PXDNL: variants seen among roughly 807,000 people sequenced by gnomAD.
PXDNL encodes peroxidasin like, also known as probable oxidoreductase PXDNL.
Under a neutral mutation model 150.8 loss-of-function variants are expected in PXDNL, and 145 were observed. That is an observed-to-expected ratio of 0.96 (90% CI 0.84 to 1.10). The LOEUF (loss-of-function observed/expected upper bound fraction) is 1.10. Among genes scored for constraint, PXDNL ranks in the 50% least tolerant of loss-of-function variants. The pLI is 0.00. For missense variants in PXDNL, 2,087 were observed against 1,873.9 expected (o/e 1.11, Z -2.10); for synonymous variants, 757 against 725.7 (o/e 1.04, Z -0.69).
At chr8:51,800,886 A>C (rs1023894004) in intron 1 of PXDNL, among the ~76,000 whole-genome samples, 1 of 152,222 alleles carries the variant, frequency 6.6e-6, no homozygotes, top group African/African-American at 2.4e-5. Context: ...TGTGTTTGAC[A>C]ATATGAAATC....
chr8:51,695,482 G>A (rs1405242448), intron 1 of PXDNL, among the ~76,000 whole-genome samples: 6 of 149,476 alleles, frequency 4.0e-5, no homozygotes, highest in Non-Finnish European at 5.9e-5. Flanking sequence ...ACACACACAC[G>A]CACACACGCA....
rs1815697526 is a variant in PXDNL at position 51,679,543 on chromosome 8, C to T, written c.165-24783G>A. 5.3e-5 allele frequency among the ~76,000 whole-genome samples: 8 copies of T among 152,274 alleles called. No homozygotes were observed. The South Asian group carries it at 1.7e-3, about 32-fold the overall frequency. On this transcript the variant is annotated intron_variant, in intron 1 of 22. Transcript: ENST00000356297. Reference sequence around the variant, plus strand: ...CATTAAGCGACTGACACATCATGCTCAATAATTTATATCTACTATTAGTAG... The same window carrying T: ...CATTAAGCGACTGACACATCATGCTTAATAATTTATATCTACTATTAGTAG...
At chr8:51,685,567 T>C (rs371594799) in intron 1 of PXDNL, among the ~76,000 whole-genome samples, 16 of 152,226 alleles carry the variant, frequency 1.1e-4, no homozygotes, top group South Asian at 8.3e-4. Flanking sequence ...AGGGCTAATA[T>C]CATTTTCTCC....
chr8:51,702,851 A>G (rs1177853955), intron 1 of PXDNL, among the ~76,000 whole-genome samples: 2 of 152,186 alleles, frequency 1.3e-5, no homozygotes, highest in Admixed American at 1.3e-4. Context: ...AATATATTGA[A>G]ACGCAGAAAC....
chr8:51,733,291 T>C (rs1318955510), intron 1 of PXDNL, among the ~76,000 whole-genome samples: 1 of 152,240 alleles, frequency 6.6e-6, no homozygotes, highest in Non-Finnish European at 1.5e-5. Flanking sequence ...TTCCCTCATT[T>C]CTATGAAGCA....
intron 2 of PXDNL, 107 bp downstream of exon 2, chr8:51,654,582 C>A: frequency 1.2e-6 from 1 of 802,882 alleles, no homozygotes; most frequent in South Asian, 1.5e-5. Flanking sequence ...TACAAGGTGT[C>A]ATTCTTCTAC....
intron 7 of PXDNL, among the ~76,000 whole-genome samples, chr8:51,473,274 A>AACACACACACACACAC (rs1164131411): frequency 0.21 from 28,104 of 133,590 alleles, 3,803 homozygotes; most frequent in Non-Finnish European, 0.3. Context: ...GTAGAAAATA[A>AACACACACACACACAC]ACACACACAC....
chr8:51,507,791 G>A lies in PXDNL; in HGVS notation c.381-8021C>T, dbSNP rs1439565483. On this transcript the variant is annotated intron_variant, in intron 4 of 22. Transcript: ENST00000356297. ...AGTGGTGGTGCTACTAGCCTCCAGTGGGGAGGGACCAGGGTGTTGCTCAAC... is the reference window on the plus strand; with the variant it reads ...AGTGGTGGTGCTACTAGCCTCCAGTAGGGAGGGACCAGGGTGTTGCTCAAC... Among the ~76,000 whole-genome samples, 8 of 152,276 alleles carry A rather than the reference G, an allele frequency of 5.3e-5. No individual in the cohort carries two copies. In the East Asian group the frequency reaches 1.5e-3, roughly 29 times the overall value.
intron 2 of PXDNL, among the ~76,000 whole-genome samples, 199 bp downstream of exon 2, chr8:51,654,489 TA>T (rs1815110635): frequency 6.6e-6 from 1 of 152,172 alleles, no homozygotes; most frequent in South Asian, 2.1e-4. Flanking sequence ...ATTGGATAAA[TA>T]AGAATCTCTT....
chr8:51,522,299 T>C (rs375333497), intron 4 of PXDNL, among the ~76,000 whole-genome samples: 4 of 152,170 alleles, frequency 2.6e-5, no homozygotes, highest in African/African-American at 9.7e-5. Context: ...GTATTTGTAG[T>C]CCCTCTTGTT....
At chr8:51,438,789 T>C (rs924190821) in intron 12 of PXDNL, among the ~76,000 whole-genome samples, 2 of 151,906 alleles carry the variant, frequency 1.3e-5, no homozygotes. Flanking sequence ...GGCCCACTGA[T>C]CTTCAACAAG....
At chr8:51,391,571 C>T (rs1489794977) in intron 17 of PXDNL, among the ~76,000 whole-genome samples, 2 of 152,090 alleles carry the variant, frequency 1.3e-5, no homozygotes, top group East Asian at 1.9e-4. Context: ...TGTCCTTCAC[C>T]CACTTTTTGA....
chr8:51,654,749 A>C lies in PXDNL; in HGVS notation c.176T>G (p.Phe59Cys). 5 of 1,613,142 alleles carry C rather than the reference A, an allele frequency of 3.1e-6. No individual in the cohort carries two copies. Among genetic ancestry groups the C allele is most frequent in the Non-Finnish European group, 4.2e-6 (5 of 1,179,350 alleles). The change falls in exon 2 of 23, where the codon TTT becomes TGT. Residue 59 changes from phenylalanine (F) to cysteine (C), a missense_variant. Transcript: ENST00000356297. The part of the protein sequence containing the change: ...PQQTTVLDLR[F>C]NRIREIPGSA... Reference sequence around the variant, plus strand: ...CCCTGGAATTTCTCTTATTCTGTTAAACCTCAAGTCTCTGGGAACATAAAA... The same window carrying C: ...CCCTGGAATTTCTCTTATTCTGTTACACCTCAAGTCTCTGGGAACATAAAA...
intron 1 of PXDNL, among the ~76,000 whole-genome samples, chr8:51,713,550 G>A (rs997322551): frequency 1.3e-5 from 2 of 152,134 alleles, no homozygotes; most frequent in African/African-American, 2.4e-5. Flanking sequence ...TTTCTCTCAA[G>A]TAATCTGAAG....
chr8:51,606,327 G>A (rs184684630), intron 2 of PXDNL, among the ~76,000 whole-genome samples: 13 of 152,182 alleles, frequency 8.5e-5, no homozygotes, highest in Admixed American at 5.2e-4. Context: ...ATCTCTCATC[G>A]TAGCATATTT....
Position 51,506,496 on chromosome 8 carries a change from G to A in PXDNL, c.381-6726C>T, listed in dbSNP as rs775535184. Among the ~76,000 whole-genome samples, 6 of 122,396 alleles carry A rather than the reference G, an allele frequency of 4.9e-5. No homozygotes were observed. The East Asian group carries it at 7.7e-4, about 16-fold the overall frequency. 80.3% of individuals were successfully genotyped at this position (122,396 alleles called of 152,430 possible). ...TCGGAGGTTGCAGTGAGCCGAGATCGCACCACTGCACTCCAGCCTGGGTGA... is the reference window on the plus strand; with the variant it reads ...TCGGAGGTTGCAGTGAGCCGAGATCACACCACTGCACTCCAGCCTGGGTGA... On this transcript the variant is annotated intron_variant, in intron 4 of 22. Transcript: ENST00000356297.
At chr8:51,703,457 T>C (rs1816298315) in intron 1 of PXDNL, among the ~76,000 whole-genome samples, 1 of 152,220 alleles carries the variant, frequency 6.6e-6, no homozygotes, top group Non-Finnish European at 1.5e-5. Context: ...ACCAGTACAA[T>C]CGTATCTTTG....
At chr8:51,594,193 T>C (rs1813512257) in intron 2 of PXDNL, among the ~76,000 whole-genome samples, 1 of 152,236 alleles carries the variant, frequency 6.6e-6, no homozygotes, top group African/African-American at 2.4e-5. Context: ...TATACATACA[T>C]ATGTGCATGT....
chr8:51,665,786 C>A (rs956554259), intron 1 of PXDNL, among the ~76,000 whole-genome samples: 3 of 152,132 alleles, frequency 2.0e-5, no homozygotes, highest in Non-Finnish European at 4.4e-5. Flanking sequence ...CAGTTCTGTG[C>A]AGATCTGCCT....
Sources: gnomAD v4.1 joint callset for allele counts (sites outside exome capture counted in the v4.1 genomes callset) on GRCh38, gnomAD v4.1.1 for gene constraint, MANE v1.5 for transcripts, NCBI Gene and HGNC (gene_info 2026-07-23, HGNC 2026-07-21) for gene names.